The following POLR1B variants were observed in gnomAD, a reference collection of about 807,000 sequenced individuals.
POLR1B encodes DNA-directed RNA polymerase I subunit RPA2.
POLR1B carries 30 observed loss-of-function variants against 105.8 expected under a neutral mutation model. The ratio of observed to expected loss-of-function variants is 0.28; its 90% CI spans 0.21 to 0.38. POLR1B has a LOEUF of 0.38. POLR1B is among the 10% of genes least tolerant of loss of function. The pLI is 1.00. For synonymous variants in POLR1B, 485 were observed against 505.1 expected, an observed-to-expected ratio of 0.96 and a Z score of 0.53; for missense variants, 976 against 1,435.8, an observed-to-expected ratio of 0.68 and a Z score of 5.17.
intron 1 of POLR1B, among the ~76,000 whole-genome samples, chr2:112,546,663 G>A (rs886349802): frequency 7.2e-6 from 1 of 138,270 alleles, no homozygotes; most frequent in Non-Finnish European, 1.5e-5. Flanking sequence ...CCGGGTTCAC[G>A]CCATTCTCCT....
upstream of POLR1B, chr2:112,542,333 C>T: frequency 1.3e-6 from 2 of 1,540,952 alleles, no homozygotes; most frequent in South Asian, 2.3e-5. Flanking sequence ...ACGTTGACCC[C>T]GAGAAACCGA....
At position 112,577,917 on chromosome 2, in the gene POLR1B, GAGA is replaced by G. The variant is rs1057471321; in HGVS notation, c.*2197_*2199del. 2.0e-4 allele frequency among the ~76,000 whole-genome samples: 31 copies of G among 151,584 alleles called. No individual in the cohort carries two copies. The highest frequency in any genetic ancestry group is 1.1e-3 in the Admixed American group (16 of 15,228). The stretch of plus-strand genomic sequence containing the variant: ...TAGGCTTTGCTTCAGGAAGCTGGTT[GAGA>G]AGAAGAAGGAAAAAGTCGATTCTAC... On this transcript the variant is annotated 3_prime_UTR_variant, in exon 15 of 15. Coordinates refer to ENST00000263331, the MANE Select transcript of POLR1B (RefSeq NM_019014.6).
chr2:112,573,430 GT>G (rs1684691631), intron 13 of POLR1B, 131 bp from the exon 14 acceptor site: 12 of 1,218,414 alleles, frequency 9.8e-6, no homozygotes, highest in Non-Finnish European at 1.4e-5. Flanking sequence ...GTTAGTATCA[GT>G]GATTTGGAAA....
chr2:112,573,519 C>T (rs1428465468), intron 13 of POLR1B, 43 bp from the exon 14 acceptor site: 1 of 1,569,338 alleles, frequency 6.4e-7, no homozygotes. Flanking sequence ...TTTTGAAAAT[C>T]CTCAATTGGC....
chr2:112,550,888 G>A lies in POLR1B; in HGVS notation c.648G>A (p.Arg216=). 2 of 1,614,070 alleles carry A rather than the reference G, an allele frequency of 1.2e-6. No individual in the cohort carries two copies. Among genetic ancestry groups the A allele is most frequent in the Non-Finnish European group, 1.7e-6 (2 of 1,179,962 alleles). Residue 216 remains arginine (R), a synonymous_variant, in exon 5 of 15, where the codon AGG becomes AGA. Coordinates refer to ENST00000263331, the MANE Select transcript of POLR1B (RefSeq NM_019014.6). ...TQYGVSMHCV[R]EEHSAVNMNL... ...TAGGAGTTTCAATGCACTGTGTGAG[G>A]GAAGAACATTCCGCTGTCAATATGA...
chr2:112,574,616 G>A (rs1312598479), intron 14 of POLR1B, among the ~76,000 whole-genome samples: 1 of 151,622 alleles, frequency 6.6e-6, no homozygotes, highest in East Asian at 1.9e-4. Flanking sequence ...CAGCTACTCA[G>A]GAGGCTGAGG....
chr2:112,567,967 G>C lies in POLR1B; in HGVS notation c.1747G>C (p.Val583Leu), dbSNP rs1208312810. ...TAAACTCTGTTTTTGTTAAAAACAG[G>C]TGTTGAGAGAGAAAAGAATTCCTCC... is the stretch of plus-strand genomic sequence containing the variant. ...GIADSLRHFK[V>L]LREKRIPPWM... The change falls in exon 11 of 15, where the codon GTG (valine) becomes CTG (leucine). Residue 583 changes from valine (V) to leucine (L), a missense_variant and splice_region_variant. By Grantham distance (32) the Val-to-Leu change is conservative. This residue lies in a region of POLR1B where 184 missense variants were observed against 197.4 expected (regional missense o/e 0.93). Coordinates refer to ENST00000263331, the MANE Select transcript of POLR1B (RefSeq NM_019014.6). 2 of 1,613,602 alleles carry C rather than the reference G, an allele frequency of 1.2e-6. No individual in the cohort carries two copies. The highest frequency in any genetic ancestry group is 1.7e-6 in the Non-Finnish European group (2 of 1,179,670).
At chr2:112,552,136 G>A (rs942829404) in intron 6 of POLR1B, 138 bp downstream of exon 6, 10 of 599,996 alleles carry the variant, frequency 1.7e-5, no homozygotes, top group African/African-American at 3.7e-5. Flanking sequence ...CTTGCTAGCC[G>A]GGGGCTACCT....
intron 10 of POLR1B, 102 bp downstream of exon 10, chr2:112,564,601 TGGTCAGGG>T: frequency 6.8e-7 from 1 of 1,472,462 alleles, no homozygotes; most frequent in Non-Finnish European, 9.3e-7. Flanking sequence ...AGTGATCAAG[TGGTCAGGG>T]GGTCACAATG....
chr2:112,569,868 GTTT>G (rs879573696), intron 12 of POLR1B, among the ~76,000 whole-genome samples: 6 of 150,322 alleles, frequency 4.0e-5, no homozygotes, highest in Admixed American at 4.0e-4. Flanking sequence ...CTCAAATTTT[GTTT>G]TTTTTCAGTT....
At position 112,559,371 on chromosome 2, in the gene POLR1B, G is replaced by T; in HGVS notation, c.1409G>T (p.Arg470Leu). The change falls in exon 9 of 15, where the codon CGC becomes CTC. Residue 470 changes from arginine to leucine, a missense_variant. By Grantham distance (102) the Arg-to-Leu change is moderately radical (BLOSUM62 -2). Around this residue, in one of 12 missense-constraint regions of POLR1B, gnomAD observed 452 missense variants for 616.5 expected, o/e 0.73. Transcript: ENST00000263331. ...LNFIRYLSHF[R>L]CVHRGADFAK... ...TTCATACGCTACCTCTCCCATTTCC[G>T]CTGCGTGCACAGAGGGGCTGATTTT... is the stretch of plus-strand genomic sequence containing the variant. The T allele has an allele frequency of 6.2e-7, 1 of 1,614,086 alleles. No individual in the cohort carries two copies. Among genetic ancestry groups the T allele is most frequent in the Non-Finnish European group, 8.5e-7 (1 of 1,180,032 alleles).
chr2:112,574,741 AAAAAG>A, intron 14 of POLR1B, 101 bp from the exon 15 acceptor site: 19 of 1,006,316 alleles, frequency 1.9e-5, no homozygotes, highest in South Asian at 5.3e-5. Context: ...AAAAAAAAAA[AAAAAG>A]TTTTACAAAT....
At position 112,569,292 on chromosome 2, in the gene POLR1B, A is replaced by C. The variant is rs537788744; in HGVS notation, c.2074+390A>C. On this transcript the variant is annotated intron_variant, in intron 12 of 14. Coordinates refer to ENST00000263331, the MANE Select transcript of POLR1B (RefSeq NM_019014.6). The stretch of plus-strand genomic sequence containing the variant: ...CTCTTCATTCCTGCTGCAAGATTCA[A>C]GTTTTCATTGTATACAATTTTCCTT... 2.9e-4 allele frequency among the ~76,000 whole-genome samples: 44 copies of C among 152,300 alleles called. 1 individual carries two copies. The highest frequency in any genetic ancestry group is 1.0e-3 in the African/African-American group (42 of 41,572).
Position 112,575,537 on chromosome 2 carries a change from G to A in POLR1B, c.3216G>A (p.Lys1072=). ...SDRSVAHVCV[K]CGSLLSPLLE... ...GGTCGGTAGCCCATGTGTGTGTGAA[G>A]TGTGGCAGTTTACTCTCTCCACTGT... Residue 1072 remains lysine, a synonymous_variant, in exon 15 of 15, where the codon AAG becomes AAA. Coordinates refer to ENST00000263331, the MANE Select transcript of POLR1B (RefSeq NM_019014.6). This position sits in a 1 kb window ranked among gnomAD's most constrained non-coding sequence, Gnocchi z 5.3. 2 of 1,614,158 alleles carry A rather than the reference G, an allele frequency of 1.2e-6. No individual in the cohort carries two copies. Among genetic ancestry groups the A allele is most frequent in the Non-Finnish European group, 8.5e-7 (1 of 1,180,024 alleles).
intron 1 of POLR1B, among the ~76,000 whole-genome samples, chr2:112,544,122 A>G (rs997188954): frequency 1.3e-4 from 19 of 151,930 alleles, no homozygotes; most frequent in African/African-American, 4.4e-4. Context: ...AATTTTAGAA[A>G]AGCACTAATT....
At position 112,564,368 on chromosome 2, in the gene POLR1B, G is replaced by T. The variant is rs147512217; in HGVS notation, c.1615G>T (p.Val539Phe). 13 of 1,614,096 alleles carry T rather than the reference G, an allele frequency of 8.1e-6. No homozygotes were observed. The highest frequency in any genetic ancestry group is 6.6e-5 in the South Asian group (6 of 91,072). The change falls in exon 10 of 15, where the codon GTC becomes TTC. Residue 539 changes from valine to phenylalanine, a missense_variant and splice_region_variant. By Grantham distance (50) the Val-to-Phe change is conservative. Transcript: ENST00000263331. Reference sequence around the variant, plus strand: ...GTGCTGTTTGTTTCCTTTACCAGGGGTCACTCCCATTGATGGAGCTCCCCA... The same window carrying T: ...GTGCTGTTTGTTTCCTTTACCAGGGTTCACTCCCATTGATGGAGCTCCCCA... ...SIPALLCNLG[V>F]TPIDGAPHRS... is the part of the protein sequence containing the mutation.
intron 7 of POLR1B, among the ~76,000 whole-genome samples, chr2:112,557,190 G>A (rs557639654): frequency 1.3e-5 from 2 of 152,302 alleles, no homozygotes; most frequent in South Asian, 4.1e-4. Context: ...GGAGGTTAAG[G>A]CAGGAGAATC....
intron 13 of POLR1B, 53 bp from the exon 14 acceptor site, chr2:112,573,509 T>G: frequency 6.4e-7 from 1 of 1,560,958 alleles, no homozygotes; most frequent in South Asian, 1.2e-5. Flanking sequence ...CCTAGTTTTA[T>G]TTTGAAAATC....
chr2:112,574,869 G>T lies in POLR1B; in HGVS notation c.2548G>T (p.Asp850Tyr), dbSNP rs201077809. 5.0e-6 allele frequency: 8 copies of T among 1,610,400 alleles called. No individual in the cohort carries two copies. The highest frequency in any genetic ancestry group is 1.3e-5 in the African/African-American group (1 of 74,838). The change falls in exon 15 of 15, where the codon GAT becomes TAT. Residue 850 changes from aspartate (D) to tyrosine (Y), a missense_variant. Physicochemically the swap from Asp to Tyr is radical, Grantham distance 160. Around this residue, in one of 12 missense-constraint regions of POLR1B, gnomAD observed 119 missense variants for 149.7 expected, o/e 0.79. Transcript: ENST00000263331. ...TAGGAGTAAAGAAAATTGTGTTGTG[G>T]ATAACATCAAAGTGTGCAGTAATGA... ...YYKSKENCVV[D>Y]NIKVCSNDTG...
Sources: allele counts gnomAD v4.1 joint callset (sites outside exome capture counted in the v4.1 genomes callset), GRCh38; gene constraint gnomAD v4.1.1; regional missense constraint gnomAD v4.1.1; non-coding constraint Gnocchi (gnomAD v3.1); transcripts MANE v1.5; gene names NCBI Gene and HGNC (gene_info 2026-07-23, HGNC 2026-07-21).